Variants in KIF16B observed in about 807,000 individuals in gnomAD.
KIF16B encodes the protein kinesin family member 16B, also known as kinesin-like protein KIF16B.
A neutral mutation model predicts 156.3 loss-of-function variants in KIF16B; 98 were observed. The ratio of observed to expected loss-of-function variants is 0.63; its 90% CI spans 0.53 to 0.74. The LOEUF (loss-of-function observed/expected upper bound fraction) is 0.74. Ranked by LOEUF, KIF16B falls within the 30% of genes least tolerant of loss-of-function variation. The pLI is 0.00. For missense variants in KIF16B, 1,421 were observed against 1,606.5 expected (o/e 0.88, Z 1.97); for synonymous variants, 564 against 583.7 (o/e 0.97, Z 0.49).
At chr20:16,561,836 T>C (rs2071075106) in intron 1 of KIF16B, among the ~76,000 whole-genome samples, 1 of 152,168 alleles carries the variant, frequency 6.6e-6, no homozygotes, top group South Asian at 2.1e-4. Context: ...TTCTAAAAAA[T>C]AACTGACCAG....
At chr20:16,278,079 C>T (rs1404521111) in intron 25 of KIF16B, among the ~76,000 whole-genome samples, 3 of 151,908 alleles carry the variant, frequency 2.0e-5, no homozygotes, top group East Asian at 1.9e-4. Flanking sequence ...TCTTTCAATA[C>T]GATTGCAAAC....
intron 24 of KIF16B, among the ~76,000 whole-genome samples, chr20:16,315,481 T>C (rs1351876478): frequency 6.6e-6 from 1 of 152,184 alleles, no homozygotes; most frequent in African/African-American, 2.4e-5. Flanking sequence ...GCATGAAAGA[T>C]ACTGTTGCAA....
At position 16,505,723 on chromosome 20, in the gene KIF16B, G is replaced by A. The variant is rs369018642; in HGVS notation, c.999C>T (p.Ala333=). Residue 333 remains alanine (A), a splice_region_variant and synonymous_variant, in exon 9 of 26, where the codon GCC becomes GCT. Coordinates refer to ENST00000354981, the MANE Select transcript of KIF16B (RefSeq NM_024704.5). The part of the protein sequence containing the change: ...LGGNSKTIMI[A]TISPADVNYG... ...AGAAAAGTAACTTAAAACTCTTACT[G>A]GCAATCATGATAGTTTTAGAGTTTC... 3 of 1,611,848 alleles carry A rather than the reference G, an allele frequency of 1.9e-6. No homozygotes were observed. The South Asian group carries it at 3.3e-5, about 18-fold the overall frequency.
chr20:16,316,922 A>T (rs1392184824), intron 24 of KIF16B, among the ~76,000 whole-genome samples: 1 of 152,162 alleles, frequency 6.6e-6, no homozygotes, highest in Non-Finnish European at 1.5e-5. Context: ...ACACCAAAAA[A>T]TCTCTTCCAT....
At chr20:16,327,068 T>TACACAC (rs35869892) in intron 24 of KIF16B, among the ~76,000 whole-genome samples, 2,936 of 143,010 alleles carry the variant, frequency 0.021, 61 homozygotes, top group South Asian at 0.079. Flanking sequence ...TGTATACATG[T>TACACAC]ACACACACAC....
chr20:16,480,382 T>C (rs972469640), intron 12 of KIF16B, among the ~76,000 whole-genome samples: 2 of 152,172 alleles, frequency 1.3e-5, no homozygotes, highest in African/African-American at 4.8e-5. Context: ...TAGATCAGCC[T>C]ACCCACTTGT....
intron 23 of KIF16B, among the ~76,000 whole-genome samples, chr20:16,338,458 T>C (rs1159567043): frequency 1.3e-5 from 2 of 152,168 alleles, no homozygotes; most frequent in Admixed American, 6.5e-5. Context: ...TTCAGCCCTA[T>C]TGATCTCCTG....
chr20:16,498,080 A>G (rs771316939), intron 10 of KIF16B, among the ~76,000 whole-genome samples: 2 of 152,220 alleles, frequency 1.3e-5, no homozygotes, highest in Non-Finnish European at 2.9e-5. Context: ...TCTTACTGAT[A>G]CATGAAAATG....
At chr20:16,490,644 G>C (rs1428966206) in intron 12 of KIF16B, among the ~76,000 whole-genome samples, 1 of 151,910 alleles carries the variant, frequency 6.6e-6, no homozygotes, top group Non-Finnish European at 1.5e-5. Context: ...TGAAGACACA[G>C]ACAAGAGAGG....
chr20:16,383,115 C>G (rs931962285), intron 17 of KIF16B, among the ~76,000 whole-genome samples: 2 of 152,096 alleles, frequency 1.3e-5, no homozygotes, highest in Non-Finnish European at 1.5e-5. Context: ...TCTCTGTTTC[C>G]TGAGCAGCTG....
chr20:16,360,015 A>C lies in KIF16B; in HGVS notation c.3499-3563T>G, dbSNP rs532712752. Among the ~76,000 whole-genome samples the C allele has an allele frequency of 1.6e-4, 24 of 152,334 alleles. No homozygotes were observed. The South Asian group carries it at 4.2e-3, about 26-fold the overall frequency. ...CTGATTTCATATGAACTAAATATTA[A>C]TGAGTGTACAGAAATGAACAGCTAC... is the stretch of plus-strand genomic sequence containing the variant. On this transcript the variant is annotated intron_variant, in intron 22 of 25. Transcript: ENST00000354981.
At chr20:16,369,205 G>A in intron 22 of KIF16B, 1 of 985,708 alleles carries the variant, frequency 1.0e-6, no homozygotes, top group South Asian at 4.7e-5. Context: ...GAGGCTGGAA[G>A]TGTCAGTGGC....
At chr20:16,355,266 C>G (rs1199305426) in intron 23 of KIF16B, among the ~76,000 whole-genome samples, 1 of 152,114 alleles carries the variant, frequency 6.6e-6, no homozygotes, top group Non-Finnish European at 1.5e-5. Flanking sequence ...GTGTGCCCAG[C>G]AGCTCTAGGC....
intron 25 of KIF16B, among the ~76,000 whole-genome samples, chr20:16,284,785 G>A (rs2063199287): frequency 6.6e-6 from 1 of 152,096 alleles, no homozygotes. Flanking sequence ...TAAAACATAT[G>A]GCAGAAAAAC....
Position 16,379,737 on chromosome 20 carries a change from C to T in KIF16B, c.2265G>A (p.Glu755=), listed in dbSNP as rs905366141. Residue 755 remains glutamate, a synonymous_variant, in exon 19 of 26, where the codon GAG becomes GAA. Coordinates refer to ENST00000354981, the MANE Select transcript of KIF16B (RefSeq NM_024704.5). ...ELEKKRLEEQ[E]KEQVMLVAHL... Reference sequence around the variant, plus strand: ...GGGCCACGAGCATGACCTGCTCCTTCTCCTGCTCCTCTAGTCTCTTTTTTT... The same window carrying T: ...GGGCCACGAGCATGACCTGCTCCTTTTCCTGCTCCTCTAGTCTCTTTTTTT... 1 of 1,614,196 alleles carries T rather than the reference C, an allele frequency of 6.2e-7. No homozygotes were observed. The highest frequency in any genetic ancestry group is 1.6e-4 in the Middle Eastern group (1 of 6,062).
chr20:16,430,120 TC>T, intron 12 of KIF16B, 138 bp from the exon 13 acceptor site: 1 of 900,428 alleles, frequency 1.1e-6, no homozygotes, highest in Non-Finnish European at 1.6e-6. Context: ...ACCTTAAACT[TC>T]GTGTTGAAAT....
At chr20:16,565,954 G>A (rs2071238194) in intron 1 of KIF16B, among the ~76,000 whole-genome samples, 1 of 152,358 alleles carries the variant, frequency 6.6e-6, no homozygotes, top group South Asian at 2.1e-4. Context: ...ATATAGAAGT[G>A]TGTACATGAC....
chr20:16,357,963 G>C (rs991491264), intron 22 of KIF16B, among the ~76,000 whole-genome samples: 1 of 152,194 alleles, frequency 6.6e-6, no homozygotes, highest in African/African-American at 2.4e-5. Flanking sequence ...GCCAAGGCAG[G>C]TTGATCAAGA....
intron 22 of KIF16B, among the ~76,000 whole-genome samples, chr20:16,357,851 T>C (rs190496464): frequency 1.3e-5 from 2 of 152,308 alleles, no homozygotes; most frequent in East Asian, 3.9e-4. Context: ...GAAGAATTAA[T>C]TGTTTATCAT....
Sources: allele counts gnomAD v4.1 joint callset (sites outside exome capture counted in the v4.1 genomes callset), GRCh38; gene constraint gnomAD v4.1.1; transcripts MANE v1.5; gene names NCBI Gene and HGNC (gene_info 2026-07-23, HGNC 2026-07-21).